NOG: variants seen among roughly 807,000 people sequenced by gnomAD.
NOG encodes symphalangism 1 (proximal).
NOG carries 2 observed loss-of-function variants against 17.9 expected under a neutral mutation model. The observed-to-expected ratio is 0.11, with a 90% confidence interval of 0.05 to 0.35. The LOEUF is 0.35. Ranked by LOEUF, NOG falls within the 10% of genes least tolerant of loss-of-function variation. The probability of loss-of-function intolerance (pLI) is 1.00; values close to 1 mark genes in which losing one functional copy is unlikely to be tolerated. For missense variants in NOG, 266 were observed against 318.6 expected (o/e 0.83, Z 1.26); for synonymous variants, 166 against 148.7 (o/e 1.12, Z -0.85).
In NOG at chr17:56,594,740, G is replaced by A. The variant is rs748947432; in HGVS notation, c.517G>A (p.Val173Met). Residue 173 changes from valine to methionine, a missense_variant, in exon 1 of 1, where the codon GTG (valine) becomes ATG (methionine). Val to Met is a conservative substitution (Grantham distance 21). This residue lies in a region of NOG where 74 missense variants were observed against 121.0 expected (regional missense o/e 0.61). Coordinates refer to ENST00000332822, the MANE Select transcript of NOG (RefSeq NM_005450.6). ...DLGSRFWPRY[V>M]KVGSCFSKRS... ...GGGCAGCCGCTTTTGGCCGCGCTACGTGAAGGTGGGCAGCTGCTTCAGTAA... is the reference window on the plus strand; with the variant it reads ...GGGCAGCCGCTTTTGGCCGCGCTACATGAAGGTGGGCAGCTGCTTCAGTAA... 30 of 1,613,932 alleles carry A rather than the reference G, an allele frequency of 1.9e-5. No individual in the cohort carries two copies. The South Asian group carries it at 3.1e-4, about 17-fold the overall frequency.
In NOG at chr17:56,594,159, G is replaced by A. The variant is rs911882181; in HGVS notation, c.-65G>A. On this transcript the variant is annotated 5_prime_UTR_variant, in exon 1 of 1. Transcript: ENST00000332822. ...AGACGGGGGAGCGCGGCGGCGCCGC[G>A]GGCTCGGCGTGCTCTCCTCCGGGGA... 3.9e-5 allele frequency: 54 copies of A among 1,397,248 alleles called. No individual in the cohort carries two copies. The African/African-American group carries it at 7.6e-4, about 20-fold the overall frequency. 86.6% of individuals were successfully genotyped at this position (1,397,248 alleles called of 1,614,324 possible). A position where few individuals can be genotyped will look rare whatever the true frequency, so the allele number is the denominator to read the frequency against.
Position 56,594,819 on chromosome 17 carries a change from A to C in NOG, c.596A>C (p.His199Pro). 4 of 1,611,842 alleles carry C rather than the reference A, an allele frequency of 2.5e-6. No homozygotes were observed. Among genetic ancestry groups the C allele is most frequent in the Non-Finnish European group, 3.4e-6 (4 of 1,178,818 alleles). The change falls in exon 1 of 1, where the codon CAC (histidine) becomes CCC (proline). Residue 199 changes from histidine (H) to proline (P), a missense_variant. This residue lies in a region of NOG where 74 missense variants were observed against 121.0 expected (regional missense o/e 0.61). Transcript: ENST00000332822. ...GTGTGCAAGCCGTCCAAGTCCGTGCACCTCACGGTGCTGCGGTGGCGCTGT... is the reference window on the plus strand; with the variant it reads ...GTGTGCAAGCCGTCCAAGTCCGTGCCCCTCACGGTGCTGCGGTGGCGCTGT... ...GMVCKPSKSV[H>P]LTVLRWRCQR...
Position 56,594,214 on chromosome 17 carries a change from C to G in NOG, c.-10C>G. On this transcript the variant is annotated 5_prime_UTR_variant, in exon 1 of 1. Transcript: ENST00000332822. ...GGACGAAGCAGCAGCCCCGGGCGCG[C>G]GCCAGAGGCATGGAGCGCTGCCCCA... 6.4e-7 allele frequency: 1 copy of G among 1,559,532 alleles called. No individual in the cohort carries two copies. Among genetic ancestry groups the G allele is most frequent in the South Asian group, 1.2e-5 (1 of 86,132 alleles).
In NOG at chr17:56,593,900, C is replaced by A; in HGVS notation, c.-324C>A. 3.1e-6 allele frequency: 1 copy of A among 321,538 alleles called. No individual in the cohort carries two copies. Among genetic ancestry groups the A allele is most frequent in the African/African-American group, 2.2e-5 (1 of 45,604 alleles). The allele number at this position is 321,538 out of a possible 1,614,324, so 19.9% of individuals were successfully genotyped here. On this transcript the variant is annotated 5_prime_UTR_variant, in exon 1 of 1. Coordinates refer to ENST00000332822, the MANE Select transcript of NOG (RefSeq NM_005450.6). ...CTCGTCCACGCGCCCTGCGCCGCCG[C>A]CGGCCCGGGAAGGCAGCGAGGAGCC...
rs2052462628 is a variant in NOG, at chr17:56,594,020, AC to A, written c.-203del. 2.1e-6 allele frequency: 1 copy of A among 466,802 alleles called. No homozygotes were observed. The highest frequency in any genetic ancestry group is 3.7e-6 in the Non-Finnish European group (1 of 270,474). The allele number at this position is 466,802 out of a possible 1,614,324, so 28.9% of individuals were successfully genotyped here. On this transcript the variant is annotated 5_prime_UTR_variant, in exon 1 of 1. Transcript: ENST00000332822. ...AGACCCGGGAGAGGAGTTGCGGCCA[AC>A]TTGTGTGCCTTTCTTCCGCCCCGGT...
Position 56,594,180 on chromosome 17 carries a change from G to A in NOG, c.-44G>A. Reference sequence around the variant, plus strand: ...CCGCGGGCTCGGCGTGCTCTCCTCCGGGGACGCGGGACGAAGCAGCAGCCC... The same window carrying A: ...CCGCGGGCTCGGCGTGCTCTCCTCCAGGGACGCGGGACGAAGCAGCAGCCC... On this transcript the variant is annotated 5_prime_UTR_variant, in exon 1 of 1. Coordinates refer to ENST00000332822, the MANE Select transcript of NOG (RefSeq NM_005450.6). The A allele has an allele frequency of 6.6e-7, 1 of 1,508,436 alleles. No homozygotes were observed. The highest frequency in any genetic ancestry group is 8.9e-7 in the Non-Finnish European group (1 of 1,120,446). 93.4% of individuals were successfully genotyped at this position (1,508,436 alleles called of 1,614,324 possible). A position where few individuals can be genotyped will look rare whatever the true frequency, so the allele number is the denominator to read the frequency against.
In NOG at chr17:56,594,660, A is replaced by T. The variant is rs1190751345; in HGVS notation, c.437A>T (p.Gln146Leu). ...AGCAAGAAGCTGCGGAGGAAGTTAC[A>T]GATGTGGCTGTGGTCGCAGACATTC... The part of the protein sequence containing the change: ...RLSKKLRRKL[Q>L]MWLWSQTFCP... The change falls in exon 1 of 1, where the codon CAG (glutamine) becomes CTG (leucine). Residue 146 changes from glutamine (Q) to leucine (L), a missense_variant. Around this residue, in one of 2 missense-constraint regions of NOG, gnomAD observed 192 missense variants for 197.6 expected, o/e 0.97. Transcript: ENST00000332822. The T allele has an allele frequency of 6.2e-7, 1 of 1,614,064 alleles. No homozygotes were observed. The highest frequency in any genetic ancestry group is 8.5e-7 in the Non-Finnish European group (1 of 1,179,954).
At position 56,595,254 on chromosome 17, in the gene NOG, G is replaced by A. The variant is rs2052477496; in HGVS notation, c.*332G>A. The A allele has an allele frequency of 4.7e-6, 1 of 212,810 alleles. No homozygotes were observed. The highest frequency in any genetic ancestry group is 1.0e-5 in the Non-Finnish European group (1 of 99,286). 13.2% of individuals were successfully genotyped at this position (212,810 alleles called of 1,614,324 possible). Reference sequence around the variant, plus strand: ...GAAAAAAAAAAGAACAGAGAAAAGAGAGACTTATTCTGGTTGTTGCTAATA... The same window carrying A: ...GAAAAAAAAAAGAACAGAGAAAAGAAAGACTTATTCTGGTTGTTGCTAATA... On this transcript the variant is annotated 3_prime_UTR_variant, in exon 1 of 1. Transcript: ENST00000332822.
Position 56,594,179 on chromosome 17 carries a change from C to A in NOG, c.-45C>A. ...GCCGCGGGCTCGGCGTGCTCTCCTCCGGGGACGCGGGACGAAGCAGCAGCC... is the reference window on the plus strand; with the variant it reads ...GCCGCGGGCTCGGCGTGCTCTCCTCAGGGGACGCGGGACGAAGCAGCAGCC... On this transcript the variant is annotated 5_prime_UTR_variant, in exon 1 of 1. Transcript: ENST00000332822. 6.6e-7 allele frequency: 1 copy of A among 1,506,500 alleles called. No homozygotes were observed. The highest frequency in any genetic ancestry group is 8.9e-7 in the Non-Finnish European group (1 of 1,118,702). 93.3% of individuals were successfully genotyped at this position (1,506,500 alleles called of 1,614,324 possible).
In NOG at chr17:56,594,157, G is replaced by C; in HGVS notation, c.-67G>C. The C allele has an allele frequency of 7.2e-7, 1 of 1,386,122 alleles. No individual in the cohort carries two copies. The highest frequency in any genetic ancestry group is 1.4e-5 in the South Asian group (1 of 73,430). 85.9% of individuals were successfully genotyped at this position (1,386,122 alleles called of 1,614,324 possible). ...AGAGACGGGGGAGCGCGGCGGCGCC[G>C]CGGGCTCGGCGTGCTCTCCTCCGGG... is the stretch of plus-strand genomic sequence containing the variant. On this transcript the variant is annotated 5_prime_UTR_variant, in exon 1 of 1. Coordinates refer to ENST00000332822, the MANE Select transcript of NOG (RefSeq NM_005450.6).
Position 56,595,029 on chromosome 17 carries a change from A to C in NOG, c.*107A>C. ...CACCCTCTAGCGAGGGTTTTCAATG[A>C]ACTTTTTTTTTTTTTTTTTTTTTTT... On this transcript the variant is annotated 3_prime_UTR_variant, in exon 1 of 1. Transcript: ENST00000332822. 1 of 517,454 alleles carries C rather than the reference A, an allele frequency of 1.9e-6. No individual in the cohort carries two copies. Among genetic ancestry groups the C allele is most frequent in the Non-Finnish European group, 3.1e-6 (1 of 317,512 alleles). 32.1% of individuals were successfully genotyped at this position (517,454 alleles called of 1,614,324 possible). A position where few individuals can be genotyped will look rare whatever the true frequency, so the allele number is the denominator to read the frequency against.
chr17:56,594,685 C>T lies in NOG; in HGVS notation c.462C>T (p.Phe154=). 3 of 1,613,900 alleles carry T rather than the reference C, an allele frequency of 1.9e-6. No individual in the cohort carries two copies. The highest frequency in any genetic ancestry group is 1.7e-6 in the Non-Finnish European group (2 of 1,179,920). ...AGATGTGGCTGTGGTCGCAGACATT[C>T]TGCCCCGTGCTGTACGCGTGGAACG... ...KLQMWLWSQT[F]CPVLYAWNDL... is the part of the protein sequence containing the mutation. The change falls in exon 1 of 1, where the codon TTC becomes TTT. Residue 154 remains phenylalanine, a synonymous_variant. Coordinates refer to ENST00000332822, the MANE Select transcript of NOG (RefSeq NM_005450.6).
chr17:56,593,954 G>A lies in NOG; in HGVS notation c.-270G>A. Reference sequence around the variant, plus strand: ...GCCTCCCGCGCCCCGCGGTCGCCCTGGAGTAATTTCGGATGCCCAGCCGCG... The same window carrying A: ...GCCTCCCGCGCCCCGCGGTCGCCCTAGAGTAATTTCGGATGCCCAGCCGCG... On this transcript the variant is annotated 5_prime_UTR_variant, in exon 1 of 1. Transcript: ENST00000332822. 1 of 413,162 alleles carries A rather than the reference G, an allele frequency of 2.4e-6. No homozygotes were observed. Among genetic ancestry groups the A allele is most frequent in the Middle Eastern group, 6.2e-4 (1 of 1,612 alleles). The allele number at this position is 413,162 out of a possible 1,614,324, so 25.6% of individuals were successfully genotyped here. A position where few individuals can be genotyped will look rare whatever the true frequency, so the allele number is the denominator to read the frequency against.
chr17:56,594,513 G>T lies in NOG; in HGVS notation c.290G>T (p.Gly97Val). The T allele has an allele frequency of 1.2e-6, 2 of 1,606,480 alleles. No homozygotes were observed. The highest frequency in any genetic ancestry group is 1.1e-5 in the South Asian group (1 of 90,616). ...RPGGGGGAAG[G>V]AEDLAELDQL... ...GGCGGGGGCGGGGGTGCAGCTGGGG[G>T]CGCGGAGGACCTGGCGGAGCTGGAC... Residue 97 changes from glycine (G) to valine (V), a missense_variant, in exon 1 of 1, where the codon GGC becomes GTC. Transcript: ENST00000332822.
Position 56,594,578 on chromosome 17 carries a change from G to A in NOG, c.355G>A (p.Glu119Lys), listed in dbSNP as rs2052469986. Residue 119 changes from glutamate (E) to lysine (K), a missense_variant, in exon 1 of 1, where the codon GAG becomes AAG. Physicochemically the swap from Glu to Lys is moderately conservative, Grantham distance 56 (BLOSUM62 1). Coordinates refer to ENST00000332822, the MANE Select transcript of NOG (RefSeq NM_005450.6). ...GCGGCCGTCGGGGGCCATGCCGAGC[G>A]AGATCAAAGGGCTAGAGTTCTCCGA... ...RQRPSGAMPS[E>K]IKGLEFSEGL... is the part of the protein sequence containing the mutation. 1.9e-6 allele frequency: 3 copies of A among 1,603,188 alleles called. No homozygotes were observed. Among genetic ancestry groups the A allele is most frequent in the Non-Finnish European group, 2.6e-6 (3 of 1,174,806 alleles).
In NOG at chr17:56,594,826, G is replaced by C. The variant is rs752039942; in HGVS notation, c.603G>C (p.Thr201=). 6 of 1,611,866 alleles carry C rather than the reference G, an allele frequency of 3.7e-6. No individual in the cohort carries two copies. The highest frequency in any genetic ancestry group is 2.2e-5 in the East Asian group (1 of 44,730). The change falls in exon 1 of 1, where the codon ACG becomes ACC. Residue 201 remains threonine (T), a synonymous_variant. Transcript: ENST00000332822. ...VCKPSKSVHL[T]VLRWRCQRRG... The stretch of plus-strand genomic sequence containing the variant: ...AGCCGTCCAAGTCCGTGCACCTCAC[G>C]GTGCTGCGGTGGCGCTGTCAGCGGC...
At position 56,594,934 on chromosome 17, in the gene NOG, C is replaced by A; in HGVS notation, c.*12C>A. The A allele has an allele frequency of 1.9e-6, 3 of 1,551,758 alleles. No homozygotes were observed. Among genetic ancestry groups the A allele is most frequent in the Non-Finnish European group, 2.6e-6 (3 of 1,145,220 alleles). ...AGTGCTCGTGCTAGAACTCGGGGGCCCCCTGCCCGCACCCGGACACTTGAT... is the reference window on the plus strand; with the variant it reads ...AGTGCTCGTGCTAGAACTCGGGGGCACCCTGCCCGCACCCGGACACTTGAT... On this transcript the variant is annotated 3_prime_UTR_variant, in exon 1 of 1. Transcript: ENST00000332822.
rs2052478917 is a variant in NOG, at chr17:56,595,386, C to T, written c.*464C>T. On this transcript the variant is annotated 3_prime_UTR_variant, in exon 1 of 1. Coordinates refer to ENST00000332822, the MANE Select transcript of NOG (RefSeq NM_005450.6). ...GAGACGGGGGAACTTTTGTAGAGGACTTTTTAAAAGCTATTTTCCATTCTT... is the reference window on the plus strand; with the variant it reads ...GAGACGGGGGAACTTTTGTAGAGGATTTTTTAAAAGCTATTTTCCATTCTT... 1 of 167,798 alleles carries T rather than the reference C, an allele frequency of 6.0e-6. No homozygotes were observed. The highest frequency in any genetic ancestry group is 1.5e-5 in the Non-Finnish European group (1 of 68,668). The allele number at this position is 167,798 out of a possible 1,614,324, so 10.4% of individuals were successfully genotyped here.
chr17:56,593,987 TC>T lies in NOG; in HGVS notation c.-233del, dbSNP rs1187552241. On this transcript the variant is annotated 5_prime_UTR_variant, in exon 1 of 1. It removes the in-frame stop codon of an upstream open reading frame in the 5' UTR. Coordinates refer to ENST00000332822, the MANE Select transcript of NOG (RefSeq NM_005450.6). ...TTCGGATGCCCAGCCGCGGCCGCCT[TC>T]CCCAGTAGACCCGGGAGAGGAGTTG... The T allele has an allele frequency of 9.2e-6, 4 of 435,998 alleles. No individual in the cohort carries two copies. The highest frequency in any genetic ancestry group is 4.5e-5 in the Admixed American group (1 of 22,056). The allele number at this position is 435,998 out of a possible 1,614,324, so 27.0% of individuals were successfully genotyped here.
Sources: allele counts gnomAD v4.1 joint callset, GRCh38; gene constraint gnomAD v4.1.1; regional missense constraint gnomAD v4.1.1; transcripts MANE v1.5; gene names NCBI Gene and HGNC (gene_info 2026-07-23, HGNC 2026-07-21).